Variants in SLC8A1 observed in about 807,000 individuals in gnomAD.
SLC8A1 encodes solute carrier family 8 member A1, also known as sodium/calcium exchanger 1.
Under a neutral mutation model 68.3 loss-of-function variants are expected in SLC8A1, and 18 were observed. The observed-to-expected ratio is 0.26, with a 90% confidence interval of 0.18 to 0.39. The LOEUF (loss-of-function observed/expected upper bound fraction) is 0.39. Ranked by LOEUF, SLC8A1 falls within the 10% of genes least tolerant of loss-of-function variation. The pLI is 1.00. For synonymous variants in SLC8A1, 475 were observed against 415.5 expected (o/e 1.14, Z -1.74); for missense variants, 985 against 1,156.7 (o/e 0.85, Z 2.15).
chr2:40,272,285 C>A (rs528781721), intron 2 of SLC8A1, among the ~76,000 whole-genome samples: 25 of 152,120 alleles, frequency 1.6e-4, no homozygotes, highest in Non-Finnish European at 1.8e-4. Flanking sequence ...CATAATAGAT[C>A]GCAGTCCCTA....
At chr2:40,429,928 G>A (rs1452021299) in exon 2 of SLC8A1, 8 of 1,612,976 alleles carry the variant, frequency 5.0e-6, no homozygotes, top group Non-Finnish European at 6.8e-6. Flanking sequence ...CTCTCCATTG[G>A]GTTTCTTTAT....
intron 2 of SLC8A1, among the ~76,000 whole-genome samples, chr2:40,205,776 G>C (rs1481039655): frequency 6.7e-6 from 1 of 148,808 alleles, no homozygotes; most frequent in African/African-American, 2.5e-5. Context: ...TAGCAAACCT[G>C]CGCTTGTACA....
chr2:40,105,666 C>G (rs1486672270), exon 8 of SLC8A1: 1 of 152,180 alleles, frequency 6.6e-6, no homozygotes, highest in African/African-American at 2.4e-5. Context: ...GGTTCACTCT[C>G]AAACTGGCAA....
At chr2:40,450,174 G>A (rs1344447169) in intron 1 of SLC8A1, among the ~76,000 whole-genome samples, 1 of 152,086 alleles carries the variant, frequency 6.6e-6, no homozygotes, top group East Asian at 1.9e-4. Context: ...AGCAAGTTTA[G>A]CAAACCCAGG....
intron 1 of SLC8A1, among the ~76,000 whole-genome samples, chr2:40,486,059 C>G (rs565770420): frequency 6.6e-6 from 1 of 152,238 alleles, no homozygotes; most frequent in Non-Finnish European, 1.5e-5. Context: ...GGAGCAGTTA[C>G]CTTCATGCTG....
At chr2:40,498,749 C>G (rs923191732) in intron 1 of SLC8A1, among the ~76,000 whole-genome samples, 4 of 152,080 alleles carry the variant, frequency 2.6e-5, no homozygotes, top group Admixed American at 2.0e-4. Flanking sequence ...GATATAAAAT[C>G]CATTTTCACT....
chr2:40,136,544 T>A (rs1363599200), intron 7 of SLC8A1, among the ~76,000 whole-genome samples: 1 of 152,048 alleles, frequency 6.6e-6, no homozygotes, highest in Non-Finnish European at 1.5e-5. Context: ...TATCAGACAC[T>A]AGGAAAGAGC....
chr2:40,498,904 C>T (rs567406657), intron 1 of SLC8A1, among the ~76,000 whole-genome samples: 11 of 152,134 alleles, frequency 7.2e-5, no homozygotes, highest in African/African-American at 2.6e-4. Context: ...AAAACTATTT[C>T]TTGGCTGAGT....
At chr2:40,451,500 G>A (rs1169332529) in intron 1 of SLC8A1, among the ~76,000 whole-genome samples, 1 of 152,132 alleles carries the variant, frequency 6.6e-6, no homozygotes, top group Non-Finnish European at 1.5e-5. Context: ...CAGTGGGTGG[G>A]GACGCCTGGA....
intron 2 of SLC8A1, among the ~76,000 whole-genome samples, chr2:40,253,664 A>G (rs1171025964): frequency 1.3e-5 from 2 of 149,748 alleles, no homozygotes; most frequent in African/African-American, 4.9e-5. Context: ...TATCTCTACT[A>G]AAAAATACAA....
chr2:40,175,506 A>ATG (rs3833566), intron 3 of SLC8A1, among the ~76,000 whole-genome samples: 73,670 of 150,990 alleles, frequency 0.49, 19,281 homozygotes, highest in Non-Finnish European at 0.61. Context: ...ACATACGTAT[A>ATG]TGTGTGTGTG....
intron 2 of SLC8A1, among the ~76,000 whole-genome samples, chr2:40,243,043 T>C (rs2061413977): frequency 6.6e-6 from 1 of 152,152 alleles, no homozygotes; most frequent in South Asian, 2.1e-4. Flanking sequence ...TGGATACGAG[T>C]GTCTACTGAA....
intron 1 of SLC8A1, among the ~76,000 whole-genome samples, chr2:40,468,774 T>A (rs1339222320): frequency 2.0e-5 from 3 of 152,052 alleles, no homozygotes; most frequent in African/African-American, 7.2e-5. Context: ...TCACCTTCGA[T>A]GACTTTAAAG....
chr2:40,157,459 C>G (rs1024180805), intron 6 of SLC8A1, among the ~76,000 whole-genome samples: 4 of 152,184 alleles, frequency 2.6e-5, no homozygotes, highest in Non-Finnish European at 5.9e-5. Flanking sequence ...CTTTGCCTCA[C>G]CTCTGCCCAA....
chr2:40,454,600 A>G (rs1000531306), upstream of SLC8A1, among the ~76,000 whole-genome samples: 15 of 152,038 alleles, frequency 9.9e-5, no homozygotes, highest in African/African-American at 3.6e-4. Flanking sequence ...TTGGGAAAAA[A>G]ACAATATTAA....
chr2:40,444,482 G>C (rs1419617565), intron 1 of SLC8A1, among the ~76,000 whole-genome samples: 1 of 152,128 alleles, frequency 6.6e-6, no homozygotes, highest in Non-Finnish European at 1.5e-5. Flanking sequence ...CAAATTCTGT[G>C]AATTTCTAGG....
exon 2 of SLC8A1, chr2:40,429,927 G>T (rs1158936266): frequency 6.2e-7 from 1 of 1,613,226 alleles, no homozygotes; most frequent in Non-Finnish European, 8.5e-7. Context: ...TCTCTCCATT[G>T]GGTTTCTTTA....
chr2:40,250,008 T>G (rs2062492922), intron 2 of SLC8A1, among the ~76,000 whole-genome samples: 1 of 152,308 alleles, frequency 6.6e-6, no homozygotes, highest in South Asian at 2.1e-4. Flanking sequence ...TCCGGGTGTA[T>G]GTATGTGTGA....
chr2:40,138,533 G>T (rs953682931), intron 7 of SLC8A1, among the ~76,000 whole-genome samples: 1 of 152,118 alleles, frequency 6.6e-6, no homozygotes, highest in Non-Finnish European at 1.5e-5. Flanking sequence ...AATTAGTGCT[G>T]GAGACTAGAT....
Sources: gnomAD v4.1 joint callset for allele counts (sites outside exome capture counted in the v4.1 genomes callset) on GRCh38, gnomAD v4.1.1 for gene constraint, MANE v1.5 for transcripts, NCBI Gene and HGNC (gene_info 2026-07-23, HGNC 2026-07-21) for gene names.